ADAMTSL1: variants seen among roughly 807,000 people sequenced by gnomAD.
ADAMTSL1 encodes ADAMTS like 1.
A neutral mutation model predicts 201.8 loss-of-function variants in ADAMTSL1; 126 were observed. The ratio of observed to expected loss-of-function variants is 0.62; its 90% CI spans 0.54 to 0.72. The LOEUF (loss-of-function observed/expected upper bound fraction) is 0.72. Ranked by LOEUF, ADAMTSL1 falls within the 30% of genes least tolerant of loss-of-function variation. ADAMTSL1 has a pLI of 0.00. For synonymous variants in ADAMTSL1, 1,121 were observed against 903.4 expected (o/e 1.24, Z -4.32); for missense variants, 2,679 against 2,277.8 (o/e 1.18, Z -3.59).
chr9:18,501,794 C>T (rs1822859018), intron 1 of ADAMTSL1, among the ~76,000 whole-genome samples: 4 of 152,124 alleles, frequency 2.6e-5, no homozygotes, highest in African/African-American at 7.2e-5. Context: ...AGAGTTTGTT[C>T]GACTTTGTGA....
chr9:18,052,466 G>C (rs1193455709), intron 1 of ADAMTSL1, among the ~76,000 whole-genome samples: 1 of 152,178 alleles, frequency 6.6e-6, no homozygotes, highest in Admixed American at 6.5e-5. Context: ...AGAGAAACCA[G>C]TGTGTGTGAA....
chr9:18,533,360 A>G (rs927227313), intron 3 of ADAMTSL1, 68 bp downstream of exon 3: 2 of 1,384,994 alleles, frequency 1.4e-6, no homozygotes, highest in Non-Finnish European at 2.0e-6. Flanking sequence ...AAGCAGTTTT[A>G]TATCCTGAGC....
At chr9:18,280,933 T>C (rs543001939) in intron 2 of ADAMTSL1, among the ~76,000 whole-genome samples, 2 of 147,096 alleles carry the variant, frequency 1.4e-5, no homozygotes, top group South Asian at 4.4e-4. Context: ...TGAAGTGCGG[T>C]GGCATGATCA....
At chr9:17,957,320 T>G (rs1333195979) in intron 1 of ADAMTSL1, among the ~76,000 whole-genome samples, 1 of 152,198 alleles carries the variant, frequency 6.6e-6, no homozygotes, top group Non-Finnish European at 1.5e-5. Context: ...TTCCAGAGAC[T>G]GCTGCTGTTG....
At chr9:18,675,975 A>G (rs990869424) in intron 10 of ADAMTSL1, 68 bp downstream of exon 10, 3 of 1,333,074 alleles carry the variant, frequency 2.3e-6, no homozygotes, top group Non-Finnish European at 3.2e-6. Context: ...CTATATATAT[A>G]GAGATATACA....
In ADAMTSL1 at chr9:18,681,873, G is replaced by A. The variant is rs537429756; in HGVS notation, c.1403G>A (p.Gly468Glu). 7.4e-6 allele frequency: 12 copies of A among 1,614,026 alleles called. No individual in the cohort carries two copies. The highest frequency in any genetic ancestry group is 5.0e-5 in the Admixed American group (3 of 60,026). ...GTGGTCCTCTGCATCGACCATCGAG[G>A]AATGCACACAGGAGGCTGTAGCCCA... ...YRVVLCIDHR[G>E]MHTGGCSPKT... is the part of the protein sequence containing the mutation. The change falls in exon 12 of 29, where the codon GGA (glycine) becomes GAA (glutamate). Residue 468 changes from glycine to glutamate, a missense_variant. Transcript: ENST00000380548.
At chr9:18,098,633 T>G (rs983008471) in intron 1 of ADAMTSL1, among the ~76,000 whole-genome samples, 1 of 152,358 alleles carries the variant, frequency 6.6e-6, no homozygotes, top group East Asian at 1.9e-4. Context: ...CCTTGAGTGT[T>G]ATCTGCAAAC....
intron 7 of ADAMTSL1, among the ~76,000 whole-genome samples, chr9:18,655,269 T>C (rs1828555689): frequency 6.6e-6 from 1 of 152,218 alleles, no homozygotes; most frequent in Non-Finnish European, 1.5e-5. Context: ...CACATTTCTA[T>C]GGCCCTCCAG....
At chr9:18,173,271 G>A (rs1410949146) in intron 2 of ADAMTSL1, among the ~76,000 whole-genome samples, 2 of 152,050 alleles carry the variant, frequency 1.3e-5, no homozygotes, top group African/African-American at 4.8e-5. Flanking sequence ...GAAACATAAA[G>A]TGACAACGCT....
At chr9:18,591,557 G>A (rs1823917245) in intron 4 of ADAMTSL1, among the ~76,000 whole-genome samples, 1 of 151,962 alleles carries the variant, frequency 6.6e-6, no homozygotes, top group African/African-American at 2.4e-5. Context: ...TTGCCATTTG[G>A]TTAGTTGTTT....
At chr9:18,600,779 A>G (rs868423433) in intron 4 of ADAMTSL1, among the ~76,000 whole-genome samples, 64 of 152,358 alleles carry the variant, frequency 4.2e-4, no homozygotes, top group Middle Eastern at 3.4e-3. Flanking sequence ...GTAAAGAGCA[A>G]CTACTCAAAT....
chr9:17,956,536 C>T (rs1421349031), intron 1 of ADAMTSL1, among the ~76,000 whole-genome samples: 1 of 152,056 alleles, frequency 6.6e-6, no homozygotes, highest in African/African-American at 2.4e-5. Context: ...CTTGGGAAGC[C>T]CGGGTGACTG....
chr9:18,052,038 A>G (rs1194422703), intron 1 of ADAMTSL1, among the ~76,000 whole-genome samples: 1 of 152,236 alleles, frequency 6.6e-6, no homozygotes, highest in Non-Finnish European at 1.5e-5. Context: ...GAAGTTCAAG[A>G]TATAAACAGA....
At chr9:18,669,777 T>C (rs1315547999) in intron 9 of ADAMTSL1, among the ~76,000 whole-genome samples, 1 of 152,176 alleles carries the variant, frequency 6.6e-6, no homozygotes, top group African/African-American at 2.4e-5. Flanking sequence ...TCCAATAGCA[T>C]GGGTTTCCAG....
At position 18,043,266 on chromosome 9, in the gene ADAMTSL1, C is replaced by G. The variant is rs558454990; in HGVS notation, c.88-120596C>G. ...TTTTTTCATCAGCCAGGATTAGGAA[C>G]TACTAGGCCAGAATACTCCCAAGCA... On this transcript the variant is annotated intron_variant, in intron 1 of 29. Coordinates refer to the ADAMTSL1 transcript ENST00000680146. Among the ~76,000 whole-genome samples, 4 of 152,196 alleles carry G rather than the reference C, an allele frequency of 2.6e-5. No homozygotes were observed. In the East Asian group the frequency reaches 7.7e-4, roughly 29 times the overall value.
intron 9 of ADAMTSL1, among the ~76,000 whole-genome samples, chr9:18,671,501 G>C (rs1489145133): frequency 6.6e-6 from 1 of 152,162 alleles, no homozygotes; most frequent in African/African-American, 2.4e-5. Flanking sequence ...GAGTGGTGAA[G>C]GTAGCCCCAG....
intron 1 of ADAMTSL1, among the ~76,000 whole-genome samples, chr9:18,152,541 G>A (rs1045575846): frequency 7.9e-5 from 12 of 152,132 alleles, no homozygotes; most frequent in Admixed American, 3.9e-4. Context: ...TCTATGGTTA[G>A]TTTGTTGGGT....
chr9:17,952,317 A>G (rs1827758472), intron 1 of ADAMTSL1, among the ~76,000 whole-genome samples: 1 of 151,914 alleles, frequency 6.6e-6, no homozygotes, highest in African/African-American at 2.4e-5. Flanking sequence ...CCCTGAAATA[A>G]TATTCTTATG....
chr9:18,588,898 T>TAC (rs1554710737), intron 4 of ADAMTSL1, among the ~76,000 whole-genome samples: 32 of 136,262 alleles, frequency 2.3e-4, no homozygotes, highest in East Asian at 6.2e-4. Context: ...TATATATATA[T>TAC]ATATACATAT....
Sources: allele counts gnomAD v4.1 joint callset (sites outside exome capture counted in the v4.1 genomes callset), GRCh38; gene constraint gnomAD v4.1.1; transcripts MANE v1.5; gene names NCBI Gene and HGNC (gene_info 2026-07-23, HGNC 2026-07-21).